C9orf85: variants seen among roughly 807,000 people sequenced by gnomAD.
The protein encoded by C9orf85 is chromosome 9 open reading frame 85.
A neutral mutation model predicts 14.9 loss-of-function variants in C9orf85; 16 were observed. The ratio of observed to expected loss-of-function variants is 1.08; its 90% confidence interval spans 0.73 to 1.63. C9orf85 has a LOEUF of 1.63. Among genes scored for constraint, C9orf85 ranks in the 40% most tolerant of loss-of-function variants. The pLI is 0.00. For synonymous variants in C9orf85, 45 were observed against 56.8 expected, an observed-to-expected ratio of 0.79 and a Z score of 0.93; for missense variants, 172 against 186.1, an observed-to-expected ratio of 0.92 and a Z score of 0.44.
intron 1 of C9orf85, among the ~76,000 whole-genome samples, chr9:71,916,814 T>C (rs995913025): frequency 1.3e-5 from 2 of 152,206 alleles, no homozygotes; most frequent in Non-Finnish European, 2.9e-5. Flanking sequence ...ATATAGGTGC[T>C]CAAAAAGTTT....
rs753276077 is a variant in C9orf85 at position 71,911,767 on chromosome 9, C to G, written c.33C>G (p.Ser11=). Residue 11 remains serine (S), a synonymous_variant, in exon 1 of 4, where the codon TCC becomes TCG. Transcript: ENST00000334731. ...CCCAGAAAGGCAACGTGGCTCGTTC[C>G]AGACCTCAGAAGCACCAGAATACGT... is the stretch of plus-strand genomic sequence containing the variant. MSSQKGNVAR[S]RPQKHQNTFS... is the part of the protein sequence containing the mutation. 1.2e-6 allele frequency: 2 copies of G among 1,614,136 alleles called. No homozygotes were observed. The highest frequency in any genetic ancestry group is 1.7e-6 in the Non-Finnish European group (2 of 1,180,014).
chr9:71,933,079 T>G (rs984228091), intron 1 of C9orf85, among the ~76,000 whole-genome samples: 1 of 152,076 alleles, frequency 6.6e-6, no homozygotes, highest in East Asian at 1.9e-4. Flanking sequence ...ATGAGAAACA[T>G]AAAAGAAAAG....
chr9:71,971,290 G>C (rs182216643), intron 2 of C9orf85, among the ~76,000 whole-genome samples: 92 of 152,246 alleles, frequency 6.0e-4, no homozygotes, highest in South Asian at 1.9e-3. Flanking sequence ...AATTTTAAGA[G>C]TGGATAAATA....
chr9:71,963,576 G>A (rs973026748), intron 2 of C9orf85, among the ~76,000 whole-genome samples: 2 of 152,200 alleles, frequency 1.3e-5, no homozygotes, highest in African/African-American at 2.4e-5. Flanking sequence ...TGCGCGAGGC[G>A]CTTGCGGGCC....
At chr9:71,982,872 G>A in exon 4 of C9orf85, 1 of 261,886 alleles carries the variant, frequency 3.8e-6, no homozygotes, top group Non-Finnish European at 7.5e-6. Flanking sequence ...CTGACCTCAT[G>A]ATCTGCCTGC....
intron 1 of C9orf85, among the ~76,000 whole-genome samples, chr9:71,936,303 T>A (rs1459721899): frequency 6.6e-6 from 1 of 152,116 alleles, no homozygotes. Context: ...GAGGCTGTAG[T>A]TATGCATTCA....
intron 2 of C9orf85, among the ~76,000 whole-genome samples, chr9:71,968,254 T>A (rs2132353551): frequency 6.6e-6 from 1 of 152,144 alleles, no homozygotes; most frequent in East Asian, 1.9e-4. Context: ...TCATCTGTCA[T>A]TTTCTTGTTT....
At chr9:71,917,125 T>C (rs892453151) in intron 1 of C9orf85, among the ~76,000 whole-genome samples, 10 of 152,184 alleles carry the variant, frequency 6.6e-5, no homozygotes, top group African/African-American at 2.4e-4. Flanking sequence ...AAGCCCTCCA[T>C]GTGTATGTGT....
Position 71,911,754 on chromosome 9 carries a change from A to G in C9orf85, c.20A>G (p.Asn7Ser), listed in dbSNP as rs1225190866. The G allele has an allele frequency of 1.9e-6, 3 of 1,614,024 alleles. No individual in the cohort carries two copies. The highest frequency in any genetic ancestry group is 2.2e-5 in the East Asian group (1 of 44,886). Residue 7 changes from asparagine (N) to serine (S), a missense_variant, in exon 1 of 4, where the codon AAC (asparagine) becomes AGC (serine). Transcript: ENST00000334731. ...TCGGCGATGAGCTCCCAGAAAGGCA[A>G]CGTGGCTCGTTCCAGACCTCAGAAG... MSSQKG[N>S]VARSRPQKHQ...
intron 2 of C9orf85, among the ~76,000 whole-genome samples, chr9:71,963,803 G>A (rs1179552679): frequency 6.6e-6 from 1 of 152,158 alleles, no homozygotes; most frequent in Non-Finnish European, 1.5e-5. Context: ...CCTGCAGTCC[G>A]CCATGCCTGG....
At chr9:71,984,846 GATA>G (rs1470357348), downstream of C9orf85, 18 of 152,386 alleles carry the variant, frequency 1.2e-4, 1 homozygote, top group African/African-American at 4.3e-4. Context: ...GGAAGAAAGA[GATA>G]AACTACTGGC....
At chr9:71,958,879 C>T (rs1237175818) in intron 2 of C9orf85, among the ~76,000 whole-genome samples, 1 of 152,114 alleles carries the variant, frequency 6.6e-6, no homozygotes, top group Non-Finnish European at 1.5e-5. Flanking sequence ...CTTTCTATAA[C>T]CTCAAGATAT....
chr9:71,965,672 A>G (rs575527394), intron 2 of C9orf85, among the ~76,000 whole-genome samples: 8 of 152,220 alleles, frequency 5.3e-5, no homozygotes, highest in African/African-American at 1.4e-4. Flanking sequence ...GGCTCAGGCA[A>G]TTCTCCTGCC....
At chr9:71,949,700 G>A (rs536097311) in intron 2 of C9orf85, among the ~76,000 whole-genome samples, 16 of 152,172 alleles carry the variant, frequency 1.1e-4, no homozygotes, top group Non-Finnish European at 2.4e-4. Context: ...TTTATGCTAG[G>A]TTTGATGGGA....
intron 1 of C9orf85, among the ~76,000 whole-genome samples, chr9:71,925,907 G>GT (rs894825130): frequency 5.9e-5 from 9 of 152,148 alleles, no homozygotes; most frequent in Non-Finnish European, 1.2e-4. Context: ...GGAAGTTAAG[G>GT]TTTTTTCAGT....
chr9:71,969,424 G>A (rs1822798272), intron 2 of C9orf85, among the ~76,000 whole-genome samples: 1 of 152,146 alleles, frequency 6.6e-6, no homozygotes, highest in Non-Finnish European at 1.5e-5. Context: ...GTACCAGCAT[G>A]AGCCACTGCA....
chr9:71,933,694 C>G (rs1283209093), intron 1 of C9orf85, among the ~76,000 whole-genome samples: 1 of 152,110 alleles, frequency 6.6e-6, no homozygotes, highest in Admixed American at 6.6e-5. Context: ...AACATCATAA[C>G]ATATGTCTTT....
At chr9:71,948,508 T>A (rs1028180625) in intron 2 of C9orf85, among the ~76,000 whole-genome samples, 7 of 152,004 alleles carry the variant, frequency 4.6e-5, no homozygotes, top group African/African-American at 1.4e-4. Flanking sequence ...CCTTTTGTTT[T>A]ATTTTATTTA....
chr9:71,972,394 G>A (rs1050356886), intron 3 of C9orf85, among the ~76,000 whole-genome samples: 1 of 152,074 alleles, frequency 6.6e-6, no homozygotes, highest in African/African-American at 2.4e-5. Context: ...CAAGTAGTTG[G>A]GATTACAGGC....
Sources: gnomAD v4.1 joint callset for allele counts (sites outside exome capture counted in the v4.1 genomes callset) on GRCh38, gnomAD v4.1.1 for gene constraint, MANE v1.5 for transcripts, NCBI Gene and HGNC (gene_info 2026-07-23, HGNC 2026-07-21) for gene names.